NEDD4: variants seen among roughly 807,000 people sequenced by gnomAD.
NEDD4 encodes the protein E3 ubiquitin-protein ligase NEDD4.
NEDD4 carries 99 observed loss-of-function variants against 144.9 expected under a neutral mutation model. The observed-to-expected ratio is 0.68, with a 90% confidence interval of 0.58 to 0.81. NEDD4 has a LOEUF of 0.81. NEDD4 is among the 30% of genes least tolerant of loss of function. NEDD4 has a pLI of 0.00. For missense variants in NEDD4, 985 were observed against 1,065.9 expected (o/e 0.92, Z 1.06); for synonymous variants, 318 against 350.6 (o/e 0.91, Z 1.04).
At chr15:55,979,275 A>G (rs901685913) in intron 1 of NEDD4, among the ~76,000 whole-genome samples, 2 of 151,590 alleles carry the variant, frequency 1.3e-5, no homozygotes, top group East Asian at 3.8e-4. Context: ...ACACACAGAA[A>G]GATTAGAAGG....
At chr15:55,979,599 C>T (rs1318852438) in intron 1 of NEDD4, among the ~76,000 whole-genome samples, 2 of 151,072 alleles carry the variant, frequency 1.3e-5, no homozygotes, top group Non-Finnish European at 3.0e-5. Context: ...ATGATCCACC[C>T]GCCTCGGCCT....
At chr15:55,864,689 A>C (rs1310428308) in intron 8 of NEDD4, among the ~76,000 whole-genome samples, 1 of 15,988 alleles carries the variant, frequency 6.3e-5, no homozygotes, top group African/African-American at 1.6e-4. Context: ...TCTCATAAGA[A>C]AAAAAAAAAA....
chr15:55,950,892 T>G (rs1193968543), intron 4 of NEDD4, among the ~76,000 whole-genome samples: 1 of 152,106 alleles, frequency 6.6e-6, no homozygotes, highest in East Asian at 1.9e-4. Context: ...ATTAAATAGG[T>G]ACAAGGAGAC....
intron 1 of NEDD4, among the ~76,000 whole-genome samples, chr15:55,981,306 C>G (rs189073212): frequency 1.3e-3 from 192 of 152,154 alleles, no homozygotes; most frequent in African/African-American, 4.5e-3. Flanking sequence ...CTCAGGTGAT[C>G]CACCCGCCTC....
chr15:55,883,423 C>A (rs572645535), intron 5 of NEDD4, among the ~76,000 whole-genome samples: 2 of 152,132 alleles, frequency 1.3e-5, no homozygotes, highest in South Asian at 4.1e-4. Flanking sequence ...GACTTCTAGA[C>A]GGCATCTCTG....
At chr15:55,963,932 C>T (rs540285831) in intron 2 of NEDD4, among the ~76,000 whole-genome samples, 7 of 152,012 alleles carry the variant, frequency 4.6e-5, no homozygotes, top group East Asian at 3.9e-4. Flanking sequence ...TTTATTGTTC[C>T]ATTTTCTCCT....
At chr15:55,894,557 T>C (rs1330456068) in intron 5 of NEDD4, among the ~76,000 whole-genome samples, 3 of 152,130 alleles carry the variant, frequency 2.0e-5, no homozygotes, top group East Asian at 1.9e-4. Context: ...AAAGGGGCTT[T>C]TACCTCACAG....
At chr15:55,863,416 T>C (rs2034478091) in intron 8 of NEDD4, among the ~76,000 whole-genome samples, 1 of 152,066 alleles carries the variant, frequency 6.6e-6, no homozygotes, top group Non-Finnish European at 1.5e-5. Flanking sequence ...AACAGAACTT[T>C]AAAACAAATC....
chr15:55,880,261 T>C (rs1481177345), intron 5 of NEDD4, among the ~76,000 whole-genome samples: 1 of 151,714 alleles, frequency 6.6e-6, no homozygotes, highest in Non-Finnish European at 1.5e-5. Flanking sequence ...CATTGCACGC[T>C]AGTCTGGGTG....
intron 5 of NEDD4, among the ~76,000 whole-genome samples, chr15:55,882,656 G>A (rs2035235944): frequency 6.6e-6 from 1 of 152,184 alleles, no homozygotes; most frequent in African/African-American, 2.4e-5. Context: ...TGGAACCAGT[G>A]GACTTGGGGG....
intron 5 of NEDD4, chr15:55,916,703 C>T (rs1300622955): frequency 1.2e-6 from 2 of 1,614,034 alleles, no homozygotes; most frequent in Non-Finnish European, 1.7e-6. Context: ...CAACGTTAGA[C>T]GTTGAAATCC....
chr15:55,975,232 T>C lies in NEDD4; in HGVS notation c.46-8686A>G, dbSNP rs2037680546. ...CTATTATTGAATATAGTACTGGAAG[T>C]CCTAGCTAGAGAAATCAGATAAGAA... On this transcript the variant is annotated intron_variant, in intron 1 of 28. Transcript: ENST00000435532. Among the ~76,000 whole-genome samples, 3 of 152,018 alleles carry C rather than the reference T, an allele frequency of 2.0e-5. No homozygotes were observed. The South Asian group carries it at 6.2e-4, about 32-fold the overall frequency.
At chr15:55,895,663 T>C (rs1342070462) in intron 5 of NEDD4, among the ~76,000 whole-genome samples, 2 of 152,214 alleles carry the variant, frequency 1.3e-5, no homozygotes, top group Non-Finnish European at 2.9e-5. Flanking sequence ...TGATCTGGTA[T>C]AATGTGTGAG....
chr15:55,976,101 CT>C (rs2037695938), intron 1 of NEDD4, among the ~76,000 whole-genome samples: 1 of 152,160 alleles, frequency 6.6e-6, no homozygotes, highest in African/African-American at 2.4e-5. Flanking sequence ...AACTAGACCC[CT>C]ATCTCTTGTC....
At chr15:55,961,566 G>T (rs56890666) in intron 2 of NEDD4, among the ~76,000 whole-genome samples, 20,321 of 151,936 alleles carry the variant, frequency 0.13, 1,478 homozygotes, top group East Asian at 0.32. Flanking sequence ...CGCCTCCCGG[G>T]TTCATATCAT....
intron 1 of NEDD4, among the ~76,000 whole-genome samples, chr15:55,982,508 A>G (rs2037820772): frequency 6.6e-6 from 1 of 152,218 alleles, no homozygotes; most frequent in Admixed American, 6.5e-5. Context: ...TACATAATGT[A>G]CATTCCATTT....
intron 2 of NEDD4, among the ~76,000 whole-genome samples, chr15:55,955,884 C>T (rs752041093): frequency 1.5e-4 from 22 of 149,762 alleles, no homozygotes; most frequent in Non-Finnish European, 2.8e-4. Context: ...GGCACAAACA[C>T]GGCTCACTGT....
chr15:55,962,206 G>A (rs1359004919), intron 2 of NEDD4, among the ~76,000 whole-genome samples: 1 of 152,038 alleles, frequency 6.6e-6, no homozygotes, highest in Non-Finnish European at 1.5e-5. Context: ...GTCTTTTTAT[G>A]CTTACTGTTT....
At chr15:55,978,821 T>A (rs1452695290) in intron 1 of NEDD4, among the ~76,000 whole-genome samples, 1 of 151,544 alleles carries the variant, frequency 6.6e-6, no homozygotes, top group African/African-American at 2.4e-5. Context: ...GTGTTATCTA[T>A]GCGGGCAGCG....
Sources: allele counts gnomAD v4.1 joint callset (sites outside exome capture counted in the v4.1 genomes callset), GRCh38; gene constraint gnomAD v4.1.1; transcripts MANE v1.5; gene names NCBI Gene and HGNC (gene_info 2026-07-23, HGNC 2026-07-21).